The following POLR3B variants were observed in gnomAD, a reference collection of about 807,000 sequenced individuals.
POLR3B encodes DNA-directed RNA polymerase III subunit RPC2.
A neutral mutation model predicts 147.4 loss-of-function variants in POLR3B; 96 were observed. The ratio of observed to expected loss-of-function variants is 0.65; its 90% CI spans 0.55 to 0.77. The LOEUF (loss-of-function observed/expected upper bound fraction) is 0.77. POLR3B is among the 30% of genes least tolerant of loss of function. The probability of loss-of-function intolerance (pLI) is 0.00; values close to 1 mark genes in which losing one functional copy is unlikely to be tolerated. For missense variants in POLR3B, 1,036 were observed against 1,413.5 expected (o/e 0.73, Z 4.28); for synonymous variants, 461 against 485.9 (o/e 0.95, Z 0.67).
intron 8 of POLR3B, 148 bp downstream of exon 8, chr12:106,378,532 A>C: frequency 1.7e-6 from 1 of 605,120 alleles, no homozygotes; most frequent in Non-Finnish European, 3.0e-6. Flanking sequence ...TTTATTATGA[A>C]AGTCTGGAAG....
intron 10 of POLR3B, among the ~76,000 whole-genome samples, chr12:106,399,761 A>C (rs1444887491): frequency 1.3e-5 from 2 of 152,216 alleles, no homozygotes; most frequent in African/African-American, 2.4e-5. Context: ...AAAATACTTT[A>C]CAGACAAGCA....
Position 106,376,520 on chromosome 12 carries a change from AT to A in POLR3B, c.496+74del. 2.7e-6 allele frequency: 3 copies of A among 1,113,628 alleles called. No individual in the cohort carries two copies. In the South Asian group the frequency reaches 3.7e-5, roughly 14 times the overall value. 69.0% of individuals were successfully genotyped at this position (1,113,628 alleles called of 1,614,324 possible). A position where few individuals can be genotyped will look rare whatever the true frequency, so the allele number is the denominator to read the frequency against. On this transcript the variant is annotated intron_variant, in intron 7 of 27. Coordinates refer to ENST00000228347, the MANE Select transcript of POLR3B (RefSeq NM_018082.6). ...ATTCTGCTGCTGCTGTGGTTTTAAC[AT>A]TTTGTCTCAAAAACAGTACCAGCTT...
At chr12:106,360,139 A>G (rs2036449097) in intron 1 of POLR3B, among the ~76,000 whole-genome samples, 1 of 152,120 alleles carries the variant, frequency 6.6e-6, no homozygotes, top group African/African-American at 2.4e-5. Flanking sequence ...CTTACTTCCT[A>G]ACTGGCCTAC....
At chr12:106,480,018 T>A (rs550553592) in intron 23 of POLR3B, among the ~76,000 whole-genome samples, 10 of 151,322 alleles carry the variant, frequency 6.6e-5, no homozygotes, top group South Asian at 2.1e-4. Context: ...TTTGGCTTTT[T>A]TTATTATTAT....
In POLR3B at chr12:106,504,539, C is replaced by T. The variant is rs2038656040; in HGVS notation, c.3272+285C>T. ...AGGTACTTTTTATAACACTATTTGCCTGTGAAAATCCTACAGATGCATTGT... is the reference window on the plus strand; with the variant it reads ...AGGTACTTTTTATAACACTATTTGCTTGTGAAAATCCTACAGATGCATTGT... On this transcript the variant is annotated intron_variant, in intron 27 of 27. Coordinates refer to ENST00000228347, the MANE Select transcript of POLR3B (RefSeq NM_018082.6). This position sits in a 1 kb window ranked among gnomAD's most constrained non-coding sequence, Gnocchi z 4.6. 6.6e-6 allele frequency among the ~76,000 whole-genome samples: 1 copy of T among 152,274 alleles called. No individual in the cohort carries two copies. Among genetic ancestry groups the T allele is most frequent in the South Asian group, 2.1e-4 (1 of 4,824 alleles).
At chr12:106,378,846 C>T (rs1452721833) in intron 8 of POLR3B, among the ~76,000 whole-genome samples, 1 of 152,170 alleles carries the variant, frequency 6.6e-6, no homozygotes, top group East Asian at 1.9e-4. Context: ...GCCTCTTTCA[C>T]AGTGTATTCA....
At chr12:106,447,539 T>A (rs766767727) in intron 19 of POLR3B, among the ~76,000 whole-genome samples, 15 of 152,148 alleles carry the variant, frequency 9.9e-5, no homozygotes, top group Non-Finnish European at 1.9e-4. Context: ...CAGGTGGACA[T>A]CTGGAAATGG....
At position 106,496,788 on chromosome 12, in the gene POLR3B, G is replaced by C; in HGVS notation, c.2854G>C (p.Gly952Arg). The C allele has an allele frequency of 6.2e-7, 1 of 1,614,134 alleles. No homozygotes were observed. The highest frequency in any genetic ancestry group is 1.3e-5 in the African/African-American group (1 of 75,046). The change falls in exon 25 of 28, where the codon GGT (glycine) becomes CGT (arginine). Residue 952 changes from glycine (G) to arginine (R), a missense_variant. By Grantham distance (125) the Gly-to-Arg change is moderately radical. Transcript: ENST00000228347. ...CATTGAGCTGCTGGCTGGCAAGGCC[G>C]GTGTGCTGGACGGCAGATTCCACTA... The part of the protein sequence containing the change: ...KLIELLAGKA[G>R]VLDGRFHYGT...
chr12:106,458,470 A>G (rs938106344), intron 21 of POLR3B, among the ~76,000 whole-genome samples: 2 of 152,158 alleles, frequency 1.3e-5, no homozygotes, highest in African/African-American at 4.8e-5. Context: ...TGTGTTTTGA[A>G]TGATCATTCT....
At chr12:106,404,656 G>T (rs2037125111) in intron 10 of POLR3B, among the ~76,000 whole-genome samples, 1 of 152,096 alleles carries the variant, frequency 6.6e-6, no homozygotes, top group Non-Finnish European at 1.5e-5. Context: ...AATCCTGGAT[G>T]TAACTTCCTT....
rs150979911 is a variant in POLR3B, at chr12:106,365,873, A to T, written c.106-643A>T. 7.5e-4 allele frequency among the ~76,000 whole-genome samples: 99 copies of T among 131,446 alleles called. 1 individual carries two copies. Among genetic ancestry groups the T allele is most frequent in the East Asian group, 1.4e-3 (7 of 4,952 alleles). The allele number at this position is 131,446 out of a possible 152,430, so 86.2% of individuals were successfully genotyped here. A position where few individuals can be genotyped will look rare whatever the true frequency, so the allele number is the denominator to read the frequency against. On this transcript the variant is annotated intron_variant, in intron 2 of 27. Transcript: ENST00000228347. ...GACTCTGTCTCAAAAAAAAAAAAAAATTTTTTTTTTGTTAAAAACTAAGAT... is the reference window on the plus strand; with the variant it reads ...GACTCTGTCTCAAAAAAAAAAAAAATTTTTTTTTTTGTTAAAAACTAAGAT...
At chr12:106,421,930 C>T (rs1370066148) in intron 12 of POLR3B, among the ~76,000 whole-genome samples, 12 of 152,116 alleles carry the variant, frequency 7.9e-5, no homozygotes, top group Non-Finnish European at 1.5e-4. Flanking sequence ...GAACTCCTGA[C>T]CTCAAGTGAT....
intron 9 of POLR3B, among the ~76,000 whole-genome samples, chr12:106,391,509 T>A (rs1364263738): frequency 2.6e-5 from 4 of 152,190 alleles, no homozygotes. Flanking sequence ...CTATTCAGAT[T>A]TCCCCCAAAT....
intron 18 of POLR3B, among the ~76,000 whole-genome samples, chr12:106,442,994 G>C (rs2037673375): frequency 6.6e-6 from 1 of 152,166 alleles, no homozygotes; most frequent in Admixed American, 6.5e-5. Flanking sequence ...TTTGTGTCCA[G>C]TACTACCCAT....
At chr12:106,476,951 G>T (rs1464209284) in intron 23 of POLR3B, among the ~76,000 whole-genome samples, 35 of 151,468 alleles carry the variant, frequency 2.3e-4, no homozygotes, top group East Asian at 5.8e-4. Flanking sequence ...ACTCTGCGTT[G>T]TAGAGTTTCC....
At chr12:106,480,301 G>T (rs1311755968) in intron 23 of POLR3B, among the ~76,000 whole-genome samples, 1 of 152,210 alleles carries the variant, frequency 6.6e-6, no homozygotes, top group Non-Finnish European at 1.5e-5. Flanking sequence ...AAAGCTCTGT[G>T]TCCCATGGAT....
intron 23 of POLR3B, among the ~76,000 whole-genome samples, chr12:106,478,479 C>T (rs1436250847): frequency 2.0e-5 from 3 of 151,836 alleles, no homozygotes; most frequent in African/African-American, 2.4e-5. Flanking sequence ...CTGACCTTTC[C>T]CTTGTAGTGA....
At chr12:106,474,033 C>T (rs1018586474) in intron 23 of POLR3B, among the ~76,000 whole-genome samples, 35 of 121,172 alleles carry the variant, frequency 2.9e-4, no homozygotes, top group African/African-American at 8.8e-4. Flanking sequence ...TTTTGAAATA[C>T]GTCCCATCAA....
chr12:106,469,035 G>C (rs1172165862), intron 23 of POLR3B, among the ~76,000 whole-genome samples: 1 of 152,170 alleles, frequency 6.6e-6, no homozygotes, highest in African/African-American at 2.4e-5. Flanking sequence ...AATATTGACA[G>C]TGGGGTGTTA....
Sources: gnomAD v4.1 joint callset for allele counts (sites outside exome capture counted in the v4.1 genomes callset) on GRCh38, gnomAD v4.1.1 for gene constraint, Gnocchi (gnomAD v3.1) non-coding constraint, MANE v1.5 for transcripts, NCBI Gene and HGNC (gene_info 2026-07-23, HGNC 2026-07-21) for gene names.